Variants in JAZF1 observed in about 807,000 individuals in gnomAD.
The protein encoded by JAZF1 is JAZF zinc finger 1.
Under a neutral mutation model 26.4 loss-of-function variants are expected in JAZF1, and 8 were observed. The ratio of observed to expected loss-of-function variants is 0.30; its 90% CI spans 0.18 to 0.55. The LOEUF (loss-of-function observed/expected upper bound fraction) is 0.55, where lower values mean the gene tolerates loss of function less well. JAZF1 is among the 20% of genes least tolerant of loss of function. The probability of loss-of-function intolerance (pLI) is 0.94; values close to 1 mark genes in which losing one functional copy is unlikely to be tolerated. For synonymous variants in JAZF1, 126 were observed against 122.3 expected (o/e 1.03, Z -0.20); for missense variants, 199 against 322.0 (o/e 0.62, Z 2.92).
intron 1 of JAZF1, among the ~76,000 whole-genome samples, chr7:28,149,720 T>A (rs1042296833): frequency 6.6e-6 from 1 of 152,216 alleles, no homozygotes; most frequent in Non-Finnish European, 1.5e-5. Context: ...TCTTTAAATG[T>A]GAGAGCTGTC....
At chr7:27,950,466 C>T (rs1784990756) in intron 2 of JAZF1, among the ~76,000 whole-genome samples, 1 of 152,186 alleles carries the variant, frequency 6.6e-6, no homozygotes, top group Non-Finnish European at 1.5e-5. Context: ...AAAAGATCTA[C>T]AGAAGACTAC....
chr7:27,971,251 C>A (rs1785370792), intron 2 of JAZF1, among the ~76,000 whole-genome samples: 1 of 152,114 alleles, frequency 6.6e-6, no homozygotes, highest in Admixed American at 6.5e-5. Context: ...CTTCTAAGTT[C>A]AAAGTGCTAT....
At chr7:27,849,117 T>C (rs1484701352) in intron 3 of JAZF1, among the ~76,000 whole-genome samples, 2 of 152,196 alleles carry the variant, frequency 1.3e-5, no homozygotes, top group South Asian at 4.1e-4. Context: ...TGATTTATTT[T>C]TAAATTGAAT....
At position 28,009,518 on chromosome 7, in the gene JAZF1, C is replaced by A. The variant is rs1239178233; in HGVS notation, c.116-17537G>T. Reference sequence around the variant, plus strand: ...TTTTTTTTTGAGACAGAGTCTCGCTCTGTCGCCCAGGCTGGAGTGCAGTGG... The same window carrying A: ...TTTTTTTTTGAGACAGAGTCTCGCTATGTCGCCCAGGCTGGAGTGCAGTGG... On this transcript the variant is annotated intron_variant, in intron 1 of 4. Coordinates refer to ENST00000283928, the MANE Select transcript of JAZF1 (RefSeq NM_175061.4). Among the ~76,000 whole-genome samples the A allele has an allele frequency of 4.7e-5, 7 of 150,078 alleles. 1 individual carries two copies.
chr7:28,001,111 T>C (rs1290758879), intron 1 of JAZF1, among the ~76,000 whole-genome samples: 1 of 151,564 alleles, frequency 6.6e-6, no homozygotes, highest in Non-Finnish European at 1.5e-5. Context: ...CCTAGCACTT[T>C]GGGAGGCCAA....
chr7:28,012,473 T>C (rs562574833), intron 1 of JAZF1, among the ~76,000 whole-genome samples: 54 of 152,314 alleles, frequency 3.5e-4, no homozygotes, highest in Admixed American at 1.1e-3. Context: ...TCTTAAAGGA[T>C]AGAAAAGAAA....
intron 2 of JAZF1, among the ~76,000 whole-genome samples, chr7:27,984,108 CT>C (rs1785645651): frequency 6.6e-6 from 1 of 152,092 alleles, no homozygotes; most frequent in Non-Finnish European, 1.5e-5. Flanking sequence ...CAGTATTAAC[CT>C]TAAATGTAAA....
intron 1 of JAZF1, among the ~76,000 whole-genome samples, chr7:28,000,624 T>TTTC (rs1554281025): frequency 2.3e-5 from 3 of 128,976 alleles, no homozygotes; most frequent in African/African-American, 8.9e-5. Context: ...CTTTCTTTCT[T>TTTC]TTTTTTTTTT....
rs113440661 is a variant in JAZF1, at chr7:27,951,746, C to T, written c.188+40163G>A. Among the ~76,000 whole-genome samples, 1,279 of 152,300 alleles carry T rather than the reference C, an allele frequency of 8.4e-3. 21 individuals are homozygous for T. The highest frequency in any genetic ancestry group is 0.029 in the African/African-American group (1,221 of 41,546). On this transcript the variant is annotated intron_variant, in intron 2 of 4. Transcript: ENST00000283928. ...CCACACTATTGGAACAAGACAAAAA[C>T]ACTGCTCAGCCATCTCCTAGTTTTA...
chr7:28,180,344 G>T, intron 1 of JAZF1, 119 bp downstream of exon 1: 1 of 329,200 alleles, frequency 3.0e-6, no homozygotes, highest in Non-Finnish European at 5.7e-6. Context: ...GGGCTCGCAC[G>T]CGCCCTCCCC....
chr7:27,891,599 GGA>G (rs1392017466), intron 3 of JAZF1, among the ~76,000 whole-genome samples: 1 of 152,164 alleles, frequency 6.6e-6, no homozygotes, highest in Non-Finnish European at 1.5e-5. Flanking sequence ...GGCAGAGGCA[GGA>G]GGATTGCTTG....
intron 1 of JAZF1, among the ~76,000 whole-genome samples, chr7:28,092,949 T>A (rs529180624): frequency 1.3e-5 from 2 of 152,350 alleles, no homozygotes; most frequent in South Asian, 2.1e-4. Flanking sequence ...CATTATTTCA[T>A]GTAACTTAAA....
At chr7:28,114,143 C>G (rs1050172383) in intron 1 of JAZF1, among the ~76,000 whole-genome samples, 1 of 152,178 alleles carries the variant, frequency 6.6e-6, no homozygotes, top group Non-Finnish European at 1.5e-5. Flanking sequence ...AGTTGGTAAC[C>G]GAAGTAAGAT....
chr7:28,165,295 A>G (rs1783351148), intron 1 of JAZF1, among the ~76,000 whole-genome samples: 1 of 152,226 alleles, frequency 6.6e-6, no homozygotes, highest in Non-Finnish European at 1.5e-5. Context: ...TTATTTCAAT[A>G]CAGAACACAA....
Position 28,127,376 on chromosome 7 carries a change from C to A in JAZF1, c.115+53087G>T, listed in dbSNP as rs185767696. ...AAGCTGTGGAAGTGGGATGGAACCT[C>A]GTCTATCAAGTGGCCTAGCATGGAC... On this transcript the variant is annotated intron_variant, in intron 1 of 4. Coordinates refer to ENST00000283928, the MANE Select transcript of JAZF1 (RefSeq NM_175061.4). 1.4e-3 allele frequency among the ~76,000 whole-genome samples: 219 copies of A among 152,230 alleles called. 1 individual carries two copies. Among genetic ancestry groups the A allele is most frequent in the African/African-American group, 5.2e-3 (216 of 41,540 alleles).
intron 2 of JAZF1, among the ~76,000 whole-genome samples, chr7:27,931,367 A>G (rs1005309034): frequency 2.6e-5 from 4 of 152,244 alleles, no homozygotes; most frequent in Admixed American, 2.6e-4. Flanking sequence ...TAACTGTTGA[A>G]TTACAAAACC....
chr7:27,881,322 G>A (rs1426631118), intron 3 of JAZF1, among the ~76,000 whole-genome samples: 2 of 152,058 alleles, frequency 1.3e-5, no homozygotes, highest in Non-Finnish European at 2.9e-5. Context: ...CATTTTAATT[G>A]CATGCTTTTA....
chr7:27,855,142 C>T (rs1357167640), intron 3 of JAZF1, among the ~76,000 whole-genome samples: 3 of 151,954 alleles, frequency 2.0e-5, no homozygotes, highest in Non-Finnish European at 4.4e-5. Context: ...CTTTCTTCTG[C>T]TTGATCGATT....
intron 3 of JAZF1, among the ~76,000 whole-genome samples, chr7:27,884,611 G>T (rs1047405917): frequency 1.3e-5 from 2 of 152,168 alleles, no homozygotes; most frequent in Admixed American, 6.5e-5. Flanking sequence ...TGAACTTCAT[G>T]AGTACCCTTT....
Sources: allele counts gnomAD v4.1 joint callset (sites outside exome capture counted in the v4.1 genomes callset), GRCh38; gene constraint gnomAD v4.1.1; transcripts MANE v1.5; gene names NCBI Gene and HGNC (gene_info 2026-07-23, HGNC 2026-07-21).